UIMC1: variants seen among roughly 807,000 people sequenced by gnomAD.
The protein encoded by UIMC1 is BRCA1-A complex subunit RAP80.
Under a neutral mutation model 84.9 loss-of-function variants are expected in UIMC1, and 42 were observed. That is an observed-to-expected ratio of 0.49 (90% CI 0.39 to 0.64). The LOEUF (loss-of-function observed/expected upper bound fraction) is 0.64. Ranked by LOEUF, UIMC1 falls within the 30% of genes least tolerant of loss-of-function variation. The pLI is 0.00. For synonymous variants in UIMC1, 281 were observed against 293.0 expected (o/e 0.96, Z 0.42); for missense variants, 825 against 847.6 (o/e 0.97, Z 0.33).
At chr5:176,946,522 G>A (rs903015901) in intron 9 of UIMC1, among the ~76,000 whole-genome samples, 2 of 149,682 alleles carry the variant, frequency 1.3e-5, no homozygotes, top group African/African-American at 2.5e-5. Flanking sequence ...CAAAAAAAAA[G>A]GAAAGAAAGA....
At chr5:177,019,222 T>C (rs1360676532) in intron 1 of UIMC1, among the ~76,000 whole-genome samples, 6 of 152,254 alleles carry the variant, frequency 3.9e-5, no homozygotes, top group Non-Finnish European at 8.8e-5. Flanking sequence ...ACTAGCTGTG[T>C]GATCTTCACA....
At chr5:176,986,492 T>C (rs1772033426) in intron 1 of UIMC1, among the ~76,000 whole-genome samples, 1 of 136,582 alleles carries the variant, frequency 7.3e-6, no homozygotes, top group African/African-American at 2.8e-5. Context: ...ATCATGCCGA[T>C]GAACTTCAGC....
rs566580808 is a variant in UIMC1 at position 176,953,997 on chromosome 5, T to A, written c.1339+1962A>T. ...GGAGTTTGGCTTCATGGTGAAGCAG[T>A]TATACTTTCTTAGCAAAAGGAACAT... is the stretch of plus-strand genomic sequence containing the variant. On this transcript the variant is annotated intron_variant, in intron 8 of 14. Transcript: ENST00000511320. Among the ~76,000 whole-genome samples the A allele has an allele frequency of 2.0e-5, 3 of 152,296 alleles. No homozygotes were observed. The East Asian group carries it at 5.8e-4, about 29-fold the overall frequency.
intron 2 of UIMC1, among the ~76,000 whole-genome samples, chr5:176,982,143 A>G (rs1241654439): frequency 6.6e-6 from 1 of 152,170 alleles, no homozygotes; most frequent in Non-Finnish European, 1.5e-5. Flanking sequence ...AGACTTAAGA[A>G]CATTCACGTG....
intron 1 of UIMC1, among the ~76,000 whole-genome samples, chr5:176,991,666 C>T (rs1254581144): frequency 6.8e-6 from 1 of 148,086 alleles, no homozygotes; most frequent in African/African-American, 2.5e-5. Flanking sequence ...GGCGCGGTGG[C>T]TCACACCTGT....
chr5:176,936,433 C>T (rs536666880), intron 10 of UIMC1, among the ~76,000 whole-genome samples: 3 of 152,324 alleles, frequency 2.0e-5, no homozygotes, highest in Non-Finnish European at 4.4e-5. Flanking sequence ...AGCTTTCACC[C>T]TTGTCCCACA....
At chr5:177,015,036 C>T (rs914196835) in intron 1 of UIMC1, among the ~76,000 whole-genome samples, 5 of 152,106 alleles carry the variant, frequency 3.3e-5, no homozygotes, top group Non-Finnish European at 5.9e-5. Context: ...AGTTTGAGAC[C>T]GGCCTGACAA....
chr5:176,999,666 T>A (rs1483987529), intron 1 of UIMC1, among the ~76,000 whole-genome samples: 1 of 152,202 alleles, frequency 6.6e-6, no homozygotes, highest in East Asian at 1.9e-4. Context: ...TGTCTTTCTG[T>A]GCCTGGCTTA....
intron 1 of UIMC1, among the ~76,000 whole-genome samples, chr5:177,021,898 C>G (rs1443019594): frequency 6.6e-6 from 1 of 152,110 alleles, no homozygotes; most frequent in Non-Finnish European, 1.5e-5. Flanking sequence ...TGATCCGCCC[C>G]CCCTTAGCCT....
Position 177,013,898 on chromosome 5 carries a change from C to T in UIMC1, c.-9+8566G>A, listed in dbSNP as rs1775614735. Among the ~76,000 whole-genome samples the T allele has an allele frequency of 2.6e-5, 4 of 152,176 alleles. No individual in the cohort carries two copies. The South Asian group carries it at 8.3e-4, about 32-fold the overall frequency. ...GGGAAACTTGCCTGAGCCTAGGAAT[C>T]CAGGGTTTTATCAGGGGTCAGTTAC... On this transcript the variant is annotated intron_variant, in intron 1 of 5. Transcript: ENST00000509236.
At chr5:176,913,891 C>T (rs1760588837) in intron 10 of UIMC1, among the ~76,000 whole-genome samples, 1 of 152,126 alleles carries the variant, frequency 6.6e-6, no homozygotes, top group African/African-American at 2.4e-5. Flanking sequence ...GTGGGAGGAT[C>T]GCCTGAGCCA....
intron 1 of UIMC1, among the ~76,000 whole-genome samples, chr5:177,018,804 C>T (rs894595608): frequency 2.0e-5 from 3 of 152,136 alleles, no homozygotes. Flanking sequence ...CCTGACAGCA[C>T]TCATTGGAGA....
chr5:176,963,264 T>G (rs1293166726), intron 6 of UIMC1, among the ~76,000 whole-genome samples: 1 of 151,276 alleles, frequency 6.6e-6, no homozygotes, highest in East Asian at 1.9e-4. Flanking sequence ...CTCACATCTG[T>G]AACCCCAGAA....
At chr5:176,989,024 G>A (rs1375400857) in intron 1 of UIMC1, among the ~76,000 whole-genome samples, 3 of 151,922 alleles carry the variant, frequency 2.0e-5, no homozygotes, top group South Asian at 2.1e-4. Flanking sequence ...GGGGAGCCCC[G>A]GATGATTTTA....
intron 10 of UIMC1, among the ~76,000 whole-genome samples, chr5:176,914,002 C>A (rs116790275): frequency 7.0e-6 from 1 of 142,166 alleles, no homozygotes; most frequent in Non-Finnish European, 1.5e-5. Context: ...CCATACCATA[C>A]CATAGCATAC....
intron 7 of UIMC1, 77 bp downstream of exon 7, chr5:176,958,016 A>T: frequency 1.4e-6 from 2 of 1,408,162 alleles, no homozygotes; most frequent in East Asian, 4.6e-5. Context: ...GTCCACGTAC[A>T]GTCTCACTCA....
At chr5:176,928,492 T>C (rs1282605227) in intron 10 of UIMC1, among the ~76,000 whole-genome samples, 1 of 152,232 alleles carries the variant, frequency 6.6e-6, no homozygotes, top group Non-Finnish European at 1.5e-5. Flanking sequence ...AAAGAACTTC[T>C]TGGGGTTTGA....
chr5:176,988,023 C>CT (rs1223880606), intron 1 of UIMC1, among the ~76,000 whole-genome samples: 1 of 145,238 alleles, frequency 6.9e-6, no homozygotes, highest in African/African-American at 2.6e-5. Flanking sequence ...AGTTGGGAGG[C>CT]TCAAGTGGGA....
intron 3 of UIMC1, 28 bp downstream of exon 3, chr5:176,975,368 A>C: frequency 1.2e-6 from 2 of 1,609,570 alleles, no homozygotes; most frequent in Non-Finnish European, 1.7e-6. Context: ...ACAATTCCCA[A>C]ACCATTATCA....
Sources: allele counts gnomAD v4.1 joint callset (sites outside exome capture counted in the v4.1 genomes callset), GRCh38; gene constraint gnomAD v4.1.1; transcripts MANE v1.5; gene names NCBI Gene and HGNC (gene_info 2026-07-23, HGNC 2026-07-21).